The following NEDD9 variants were observed in gnomAD, a reference collection of about 807,000 sequenced individuals.
The protein encoded by NEDD9 is enhancer of filamentation 1.
Under a neutral mutation model 76.6 loss-of-function variants are expected in NEDD9, and 26 were observed. The observed-to-expected ratio is 0.34, with a 90% CI of 0.25 to 0.47. NEDD9 has a LOEUF of 0.47. Ranked by LOEUF, NEDD9 falls within the 20% of genes least tolerant of loss-of-function variation. The pLI, the probability that NEDD9 is intolerant of heterozygous loss-of-function variation, is 1.00. For missense variants in NEDD9, 937 were observed against 1,058.5 expected (o/e 0.89, Z 1.59); for synonymous variants, 392 against 414.2 (o/e 0.95, Z 0.65).
chr6:11,376,478 C>A (rs930905179), intron 1 of NEDD9, among the ~76,000 whole-genome samples: 2 of 152,132 alleles, frequency 1.3e-5, no homozygotes, highest in East Asian at 3.8e-4. Context: ...TATGCCCTAA[C>A]AAAGAACTTG....
At chr6:11,223,113 G>GC (rs1759194417) in intron 1 of NEDD9, among the ~76,000 whole-genome samples, 1 of 152,188 alleles carries the variant, frequency 6.6e-6, no homozygotes, top group Non-Finnish European at 1.5e-5. Flanking sequence ...GTACAGGACA[G>GC]CCCCCACCAC....
chr6:11,373,514 A>G (rs1762917405), intron 1 of NEDD9, among the ~76,000 whole-genome samples: 1 of 152,204 alleles, frequency 6.6e-6, no homozygotes, highest in South Asian at 2.1e-4. Context: ...GAGTGTTTTA[A>G]TTACTCAAAC....
At chr6:11,206,357 T>C (rs1758616849) in intron 2 of NEDD9, among the ~76,000 whole-genome samples, 2 of 152,110 alleles carry the variant, frequency 1.3e-5, no homozygotes, top group South Asian at 4.1e-4. Context: ...AGGCGGAGGT[T>C]GCAGTGAGCC....
chr6:11,198,333 C>T lies in NEDD9; in HGVS notation c.460-4641G>A, dbSNP rs144410148. 2 of 152,348 alleles carry T rather than the reference C, an allele frequency of 1.3e-5. No homozygotes were observed. Among genetic ancestry groups the T allele is most frequent in the Admixed American group, 1.3e-4 (2 of 15,302 alleles). The allele number at this position is 152,348 out of a possible 1,614,324, so 9.4% of individuals were successfully genotyped here. A position where few individuals can be genotyped will look rare whatever the true frequency, so the allele number is the denominator to read the frequency against. ...ATCTTCTGAAGGCAGGGCCCCCAGG[C>T]TCTGCACCAACTCCCTCCCTCGGCG... is the stretch of plus-strand genomic sequence containing the variant. On this transcript the variant is annotated intron_variant, in intron 2 of 6. Transcript: ENST00000379446. This position sits in a 1 kb window ranked among gnomAD's most constrained non-coding sequence, Gnocchi z 4.7.
chr6:11,304,688 A>C (rs191499319), intron 3 of NEDD9, among the ~76,000 whole-genome samples: 30 of 152,304 alleles, frequency 2.0e-4, no homozygotes, highest in Admixed American at 1.8e-3. Context: ...CCATCATTCT[A>C]AGCAAACTAT....
chr6:11,305,091 A>G (rs764111713), intron 3 of NEDD9: 5 of 1,288,290 alleles, frequency 3.9e-6, no homozygotes, highest in South Asian at 3.7e-5. Flanking sequence ...CAGAAAGGAG[A>G]TTGGGCTGTT....
rs1053290447 is a variant in NEDD9, at chr6:11,311,746, G to A, written c.-152-5591C>T. On this transcript the variant is annotated intron_variant, in intron 2 of 3. Coordinates refer to the NEDD9 transcript ENST00000397378. ...GACTGGGTCGGGTGCAGTGGCTCAC[G>A]CCTGTAATCCTAGCACTTTGGGTCG... Among the ~76,000 whole-genome samples, 15 of 152,298 alleles carry A rather than the reference G, an allele frequency of 9.8e-5. 1 individual carries two copies. The highest frequency in any genetic ancestry group is 2.6e-4 in the African/African-American group (11 of 41,560).
intron 3 of NEDD9, among the ~76,000 whole-genome samples, chr6:11,305,539 C>T (rs747066461): frequency 6.6e-6 from 1 of 152,230 alleles, no homozygotes; most frequent in Non-Finnish European, 1.5e-5. Flanking sequence ...ATCCTACACT[C>T]TACTCCAGGC....
At chr6:11,243,025 C>T (rs1159933751) in intron 3 of NEDD9, among the ~76,000 whole-genome samples, 1 of 152,230 alleles carries the variant, frequency 6.6e-6, no homozygotes, top group Admixed American at 6.5e-5. Flanking sequence ...TATCAAAATA[C>T]TCCAGATTTT....
intron 3 of NEDD9, among the ~76,000 whole-genome samples, chr6:11,263,952 A>G (rs544127369): frequency 5.2e-4 from 79 of 152,066 alleles, no homozygotes; most frequent in Non-Finnish European, 9.6e-4. Flanking sequence ...TCAAGTCTAG[A>G]CTTGAGCTTA....
chr6:11,282,744 C>T (rs927151086), intron 3 of NEDD9, among the ~76,000 whole-genome samples: 2 of 152,190 alleles, frequency 1.3e-5, no homozygotes, highest in African/African-American at 4.8e-5. Context: ...TTCATCTAAG[C>T]CACCAATATC....
At chr6:11,229,720 G>A (rs11970705) in intron 1 of NEDD9, among the ~76,000 whole-genome samples, 28,428 of 152,130 alleles carry the variant, frequency 0.19, 2,820 homozygotes, top group African/African-American at 0.24. Context: ...AATTAAGTAC[G>A]TATGACAGTG....
Position 11,355,950 on chromosome 6 carries a change from T to C in NEDD9, c.-213-21389A>G, listed in dbSNP as rs572009485. Among the ~76,000 whole-genome samples, 13 of 152,286 alleles carry C rather than the reference T, an allele frequency of 8.5e-5. No individual in the cohort carries two copies. In the East Asian group the frequency reaches 2.3e-3, roughly 27 times the overall value. On this transcript the variant is annotated intron_variant, in intron 1 of 3. Transcript: ENST00000397378. ...GTTAGCCAGGATGGTCTCGATCTCCTGACCTCGTGATCTGCCCACCTTGGC... is the reference window on the plus strand; with the variant it reads ...GTTAGCCAGGATGGTCTCGATCTCCCGACCTCGTGATCTGCCCACCTTGGC...
intron 2 of NEDD9, among the ~76,000 whole-genome samples, chr6:11,323,001 T>A (rs903479333): frequency 7.9e-5 from 12 of 152,222 alleles, no homozygotes; most frequent in Admixed American, 3.3e-4. Context: ...GAATTTTTTA[T>A]AAGTTATAGG....
chr6:11,192,209 C>T, intron 4 of NEDD9, 136 bp downstream of exon 4: 1 of 562,212 alleles, frequency 1.8e-6, no homozygotes. Flanking sequence ...CTCACCAAGA[C>T]TACATTTTCC....
intron 3 of NEDD9, among the ~76,000 whole-genome samples, chr6:11,239,412 C>T (rs181966769): frequency 1.1e-4 from 17 of 152,304 alleles, no homozygotes; most frequent in African/African-American, 3.4e-4. Context: ...TGTCTGTGCA[C>T]ACTGCCTTCA....
intron 3 of NEDD9, among the ~76,000 whole-genome samples, chr6:11,281,756 T>C (rs1352806752): frequency 6.6e-6 from 1 of 152,166 alleles, no homozygotes; most frequent in Non-Finnish European, 1.5e-5. Context: ...TATATTTTTA[T>C]TTTTATTTTT....
intron 1 of NEDD9, among the ~76,000 whole-genome samples, chr6:11,220,143 T>G (rs1010651017): frequency 4.6e-5 from 7 of 152,144 alleles, no homozygotes; most frequent in African/African-American, 1.7e-4. Flanking sequence ...GGACCCCACT[T>G]TGTCCCACTA....
At chr6:11,349,747 C>A (rs904758918) in intron 1 of NEDD9, among the ~76,000 whole-genome samples, 1 of 152,056 alleles carries the variant, frequency 6.6e-6, no homozygotes, top group South Asian at 2.1e-4. Context: ...TGTGGGGAAA[C>A]AACACACACT....
Sources: gnomAD v4.1 joint callset for allele counts (sites outside exome capture counted in the v4.1 genomes callset) on GRCh38, gnomAD v4.1.1 for gene constraint, Gnocchi (gnomAD v3.1) non-coding constraint, MANE v1.5 for transcripts, NCBI Gene and HGNC (gene_info 2026-07-23, HGNC 2026-07-21) for gene names.